WDTC1: variants seen among roughly 807,000 people sequenced by gnomAD.
WDTC1 encodes WD and tetratricopeptide repeats 1.
WDTC1 carries 12 observed loss-of-function variants against 76.0 expected under a neutral mutation model. That is an observed-to-expected ratio of 0.16 (90% CI 0.10 to 0.26). WDTC1 has a LOEUF of 0.26. Ranked by LOEUF, WDTC1 falls within the 10% of genes least tolerant of loss-of-function variation. WDTC1 has a pLI of 1.00. For missense variants in WDTC1, 511 were observed against 908.8 expected (o/e 0.56, Z 5.63); for synonymous variants, 326 against 350.8 (o/e 0.93, Z 0.79).
chr1:27,287,849 A>T lies in WDTC1; in HGVS notation c.467A>T (p.Asp156Val). ...AACACATTCTGGAGTGCTGCTGAGGATGGGCTTATCCGGTAAGAGTCTGGG... is the reference window on the plus strand; with the variant it reads ...AACACATTCTGGAGTGCTGCTGAGGTTGGGCTTATCCGGTAAGAGTCTGGG... ...WPNTFWSAAE[D>V]GLIRQYDLRE... The change falls in exon 6 of 16, where the codon GAT (aspartate) becomes GTT (valine). Residue 156 changes from aspartate to valine, a missense_variant. Coordinates refer to ENST00000319394, the MANE Select transcript of WDTC1 (RefSeq NM_001276252.2). 1 of 1,613,178 alleles carries T rather than the reference A, an allele frequency of 6.2e-7. No homozygotes were observed. Among genetic ancestry groups the T allele is most frequent in the Non-Finnish European group, 8.5e-7 (1 of 1,179,618 alleles).
Position 27,307,509 on chromosome 1 carries a change from C to G in WDTC1, c.*1126C>G, listed in dbSNP as rs1418544276. 6.5e-6 allele frequency: 1 copy of G among 153,732 alleles called. No homozygotes were observed. Among genetic ancestry groups the G allele is most frequent in the Non-Finnish European group, 1.5e-5 (1 of 68,762 alleles). 9.5% of individuals were successfully genotyped at this position (153,732 alleles called of 1,614,324 possible). A position where few individuals can be genotyped will look rare whatever the true frequency, so the allele number is the denominator to read the frequency against. On this transcript the variant is annotated 3_prime_UTR_variant, in exon 16 of 16. Coordinates refer to ENST00000319394, the MANE Select transcript of WDTC1 (RefSeq NM_001276252.2). The surrounding 1 kb of genome is among the most constrained non-coding windows in gnomAD (Gnocchi z 4.1). The stretch of plus-strand genomic sequence containing the variant: ...CTCCAGGTAGTTGGTTCATCCTTCC[C>G]CCTCTCTCCCTCCCTGCTTCCCCTT...
chr1:27,235,795 C>A lies in WDTC1; in HGVS notation c.-100+844C>A, dbSNP rs2011481656. ...GAATTTGACTGTTTTCCCCAGAGTTCTTTTCTTCTGTGACTTTCTTTAACC... is the reference window on the plus strand; with the variant it reads ...GAATTTGACTGTTTTCCCCAGAGTTATTTTCTTCTGTGACTTTCTTTAACC... On this transcript the variant is annotated intron_variant, in intron 1 of 15. Transcript: ENST00000319394. 3.9e-5 allele frequency among the ~76,000 whole-genome samples: 6 copies of A among 152,116 alleles called. No homozygotes were observed. In the South Asian group the frequency reaches 1.2e-3, roughly 32 times the overall value.
intron 13 of WDTC1, among the ~76,000 whole-genome samples, chr1:27,302,487 C>G (rs1375926803): frequency 6.6e-6 from 1 of 152,134 alleles, no homozygotes; most frequent in Admixed American, 6.6e-5. Context: ...ATAATCCCAG[C>G]ACTTTGGGAG....
chr1:27,256,945 T>A (rs2012302097), intron 1 of WDTC1, among the ~76,000 whole-genome samples: 1 of 152,186 alleles, frequency 6.6e-6, no homozygotes, highest in African/African-American at 2.4e-5. Context: ...CACTGCAAGC[T>A]CCGTCTCCCG....
At chr1:27,296,197 G>C in intron 9 of WDTC1, 129 bp from the exon 10 acceptor site, 1 of 1,108,304 alleles carries the variant, frequency 9.0e-7, no homozygotes, top group Non-Finnish European at 1.4e-6. Flanking sequence ...AGGATAGCTT[G>C]ATTGTTCTAT....
intron 1 of WDTC1, among the ~76,000 whole-genome samples, chr1:27,259,712 A>G (rs1186217141): frequency 6.6e-6 from 1 of 151,932 alleles, no homozygotes. Flanking sequence ...ACACAGGAAC[A>G]GGTTGCTTCA....
intron 12 of WDTC1, among the ~76,000 whole-genome samples, chr1:27,299,856 G>T (rs897291778): frequency 6.6e-6 from 1 of 152,148 alleles, no homozygotes; most frequent in Admixed American, 6.5e-5. Flanking sequence ...ATGCCTGCCA[G>T]TGACCCCTAG....
At chr1:27,252,961 T>C (rs773371732) in intron 1 of WDTC1, among the ~76,000 whole-genome samples, 18 of 151,806 alleles carry the variant, frequency 1.2e-4, no homozygotes, top group Non-Finnish European at 1.9e-4. Flanking sequence ...TAGGAACAAA[T>C]GAGTATAGAG....
At chr1:27,294,182 A>G in intron 8 of WDTC1, 66 bp downstream of exon 8, 15 of 1,528,862 alleles carry the variant, frequency 9.8e-6, no homozygotes, top group Non-Finnish European at 1.3e-5. Flanking sequence ...GGGGCAGTCC[A>G]GGGAGACAGC....
intron 3 of WDTC1, among the ~76,000 whole-genome samples, chr1:27,267,636 T>C (rs2012718136): frequency 6.6e-6 from 1 of 152,206 alleles, no homozygotes; most frequent in Non-Finnish European, 1.5e-5. Context: ...AGAGGAATTT[T>C]ATGCATAAAA....
chr1:27,287,971 TTGTC>T, intron 6 of WDTC1, 110 bp downstream of exon 6: 1 of 1,354,590 alleles, frequency 7.4e-7, no homozygotes, highest in Non-Finnish European at 1.0e-6. Context: ...CCAACCTCCT[TTGTC>T]TGCCCAGGGC....
In WDTC1 at chr1:27,237,713, T is replaced by C. The variant is rs960872222; in HGVS notation, c.-100+2762T>C. Among the ~76,000 whole-genome samples, 20 of 151,938 alleles carry C rather than the reference T, an allele frequency of 1.3e-4. No individual in the cohort carries two copies. The East Asian group carries it at 3.1e-3, about 24-fold the overall frequency. Reference sequence around the variant, plus strand: ...AAATACAAAAAAAATTAGCCGGGCATGGTGGCACGCGCCTGTAGTCCCAGC... The same window carrying C: ...AAATACAAAAAAAATTAGCCGGGCACGGTGGCACGCGCCTGTAGTCCCAGC... On this transcript the variant is annotated intron_variant, in intron 1 of 15. Transcript: ENST00000319394.
At chr1:27,279,562 G>T (rs540079818) in intron 3 of WDTC1, among the ~76,000 whole-genome samples, 3 of 152,098 alleles carry the variant, frequency 2.0e-5, no homozygotes, top group African/African-American at 7.2e-5. Flanking sequence ...TGTTTCTTGG[G>T]ATTTTTTTGT....
At chr1:27,275,777 T>C (rs2013006974) in intron 3 of WDTC1, among the ~76,000 whole-genome samples, 1 of 152,196 alleles carries the variant, frequency 6.6e-6, no homozygotes, top group African/African-American at 2.4e-5. Context: ...TTTATTTAAT[T>C]GAGTGGTTTT....
intron 3 of WDTC1, among the ~76,000 whole-genome samples, chr1:27,264,943 C>T (rs1475331341): frequency 6.6e-6 from 1 of 152,058 alleles, no homozygotes; most frequent in East Asian, 1.9e-4. Flanking sequence ...GCTGGGATTA[C>T]AGATACATGC....
rs750324200 is a variant in WDTC1 at position 27,294,027 on chromosome 1, G to A, written c.668G>A (p.Ser223Asn). The A allele has an allele frequency of 1.2e-5, 20 of 1,613,920 alleles. No individual in the cohort carries two copies. The highest frequency in any genetic ancestry group is 1.6e-5 in the Non-Finnish European group (19 of 1,179,942). The change falls in exon 8 of 16, where the codon AGC becomes AAC. Residue 223 changes from serine to asparagine, a missense_variant. Transcript: ENST00000319394. ...DIRMIHNHRKSMKQSPSAGVH... is the reference protein window; with the variant it reads ...DIRMIHNHRKNMKQSPSAGVH... ...ATGATTTTCCTTCCCACCAGAAAGAGCATGAAGCAGAGCCCTTCAGCGGGT... is the reference window on the plus strand; with the variant it reads ...ATGATTTTCCTTCCCACCAGAAAGAACATGAAGCAGAGCCCTTCAGCGGGT...
At chr1:27,249,736 C>T (rs970599361) in intron 1 of WDTC1, among the ~76,000 whole-genome samples, 2 of 152,018 alleles carry the variant, frequency 1.3e-5, no homozygotes, top group Non-Finnish European at 2.9e-5. Context: ...ATGGCCACCA[C>T]ACCTGGCTAA....
At position 27,307,357 on chromosome 1, in the gene WDTC1, A is replaced by T. The variant is rs1382604744; in HGVS notation, c.*974A>T. The stretch of plus-strand genomic sequence containing the variant: ...GAGGGGTGGGTCTCCTGAGCCACTC[A>T]GATGGGAAAGTCCCTTACTCGGCCC... On this transcript the variant is annotated 3_prime_UTR_variant, in exon 16 of 16. Transcript: ENST00000319394. The surrounding 1 kb of genome is among the most constrained non-coding windows in gnomAD (Gnocchi z 4.1). 6.5e-6 allele frequency: 1 copy of T among 153,030 alleles called. No individual in the cohort carries two copies. Among genetic ancestry groups the T allele is most frequent in the East Asian group, 1.9e-4 (1 of 5,184 alleles). The allele number at this position is 153,030 out of a possible 1,614,324, so 9.5% of individuals were successfully genotyped here.
intron 3 of WDTC1, among the ~76,000 whole-genome samples, chr1:27,276,707 AAAG>A (rs1475824442): frequency 2.0e-5 from 3 of 150,670 alleles, no homozygotes; most frequent in African/African-American, 7.4e-5. Context: ...AAAAAAAAGA[AAAG>A]AAAAAAAAAT....
Sources: gnomAD v4.1 joint callset for allele counts (sites outside exome capture counted in the v4.1 genomes callset) on GRCh38, gnomAD v4.1.1 for gene constraint, Gnocchi (gnomAD v3.1) non-coding constraint, MANE v1.5 for transcripts, NCBI Gene and HGNC (gene_info 2026-07-23, HGNC 2026-07-21) for gene names.